RXRA: variants seen among roughly 807,000 people sequenced by gnomAD.
RXRA encodes retinoic acid receptor RXR-alpha.
Under a neutral mutation model 44.5 loss-of-function variants are expected in RXRA, and 5 were observed. The ratio of observed to expected loss-of-function variants is 0.11; its 90% CI spans 0.06 to 0.24. RXRA has a LOEUF of 0.24. RXRA is among the 10% of genes least tolerant of loss of function. RXRA has a pLI of 1.00. For missense variants in RXRA, 412 were observed against 646.5 expected (o/e 0.64, Z 3.93); for synonymous variants, 291 against 271.4 (o/e 1.07, Z -0.71).
intron 4 of RXRA, among the ~76,000 whole-genome samples, chr9:134,412,013 C>T (rs898591633): frequency 2.0e-5 from 3 of 152,202 alleles, no homozygotes; most frequent in East Asian, 1.9e-4. Flanking sequence ...CCCCGGCCTG[C>T]GTCTGGGTGC....
Position 134,370,372 on chromosome 9 carries a change from G to A in RXRA, c.29-31260G>A, listed in dbSNP as rs144806934. On this transcript the variant is annotated intron_variant, in intron 1 of 9. Transcript: ENST00000481739. ...GGGAGCACGTCAGGCCTCCCTGCCCGGCTGGTTCCAAGGCCTTTCTGGTCC... is the reference window on the plus strand; with the variant it reads ...GGGAGCACGTCAGGCCTCCCTGCCCAGCTGGTTCCAAGGCCTTTCTGGTCC... 1.1e-3 allele frequency among the ~76,000 whole-genome samples: 166 copies of A among 152,332 alleles called. 2 individuals are homozygous for A. The highest frequency in any genetic ancestry group is 0.011 in the Admixed American group (164 of 15,306).
At chr9:134,332,158 G>A (rs992413804) in intron 1 of RXRA, among the ~76,000 whole-genome samples, 2 of 152,216 alleles carry the variant, frequency 1.3e-5, no homozygotes, top group South Asian at 4.1e-4. Context: ...CCACTCCCAG[G>A]TGGAAAGCTG....
At chr9:134,411,340 T>G (rs1831145728) in intron 4 of RXRA, among the ~76,000 whole-genome samples, 1 of 152,136 alleles carries the variant, frequency 6.6e-6, no homozygotes, top group South Asian at 2.1e-4. Context: ...GGACCTGGAA[T>G]CACCTGGTCA....
intron 1 of RXRA, among the ~76,000 whole-genome samples, chr9:134,354,726 TC>T (rs1460008442): frequency 6.6e-6 from 1 of 152,250 alleles, no homozygotes; most frequent in Non-Finnish European, 1.5e-5. Flanking sequence ...ACTGAAATGT[TC>T]AGAGGCCGTG....
intron 1 of RXRA, among the ~76,000 whole-genome samples, chr9:134,373,850 T>A (rs1355037467): frequency 1.3e-5 from 2 of 152,272 alleles, no homozygotes; most frequent in South Asian, 2.1e-4. Context: ...ATTAAAAATT[T>A]AAAAATTAGA....
At chr9:134,380,553 T>A (rs913246540) in intron 1 of RXRA, among the ~76,000 whole-genome samples, 1 of 151,410 alleles carries the variant, frequency 6.6e-6, no homozygotes, top group Non-Finnish European at 1.5e-5. Context: ...CTCGGTGTGA[T>A]GGTTGGGGTG....
chr9:134,405,041 G>C (rs1331441745), intron 2 of RXRA: 1 of 152,422 alleles, frequency 6.6e-6, no homozygotes, highest in East Asian at 1.9e-4. Flanking sequence ...GGCTCTCCTG[G>C]GAGCGGGAGC....
intron 1 of RXRA, among the ~76,000 whole-genome samples, chr9:134,347,611 G>A (rs945508020): frequency 1.3e-5 from 2 of 152,226 alleles, no homozygotes; most frequent in African/African-American, 4.8e-5. Flanking sequence ...GGTATGCGGA[G>A]GGTCACTGGC....
At chr9:134,415,440 G>A (rs900582565) in intron 4 of RXRA, among the ~76,000 whole-genome samples, 7 of 110,522 alleles carry the variant, frequency 6.3e-5, no homozygotes, top group African/African-American at 1.1e-4. Flanking sequence ...TTCTCCCACC[G>A]TTTGCCAAAC....
At chr9:134,385,649 G>A (rs937445599) in intron 1 of RXRA, among the ~76,000 whole-genome samples, 4 of 152,174 alleles carry the variant, frequency 2.6e-5, no homozygotes. Flanking sequence ...GAGCGGTGGT[G>A]GCCCCCGAAC....
chr9:134,425,205 G>A lies in RXRA; in HGVS notation c.910+3400G>A, dbSNP rs1831412300. The stretch of plus-strand genomic sequence containing the variant: ...GGTGGAGGATTCCAGCCAGGCTGTG[G>A]GAGGTTGATGTCACACGTGTCTGCT... On this transcript the variant is annotated intron_variant, in intron 6 of 9. Transcript: ENST00000481739. 4.1e-6 allele frequency: 4 copies of A among 985,278 alleles called. No individual in the cohort carries two copies. In the South Asian group the frequency reaches 1.9e-4, roughly 46 times the overall value. 61.0% of individuals were successfully genotyped at this position (985,278 alleles called of 1,614,324 possible).
chr9:134,412,275 C>T (rs1255521674), intron 4 of RXRA, among the ~76,000 whole-genome samples: 1 of 152,222 alleles, frequency 6.6e-6, no homozygotes, highest in Admixed American at 6.5e-5. Context: ...TGTCAGGCCC[C>T]CTGGTGGGCA....
In RXRA at chr9:134,433,615, C is replaced by T. The variant is rs115976559; in HGVS notation, c.1136-487C>T. The stretch of plus-strand genomic sequence containing the variant: ...TCTGTCCACTCTAGGCTCTTGAGCC[C>T]GGGTCCTGAGCTCAGGACTCCGCAA... On this transcript the variant is annotated intron_variant, in intron 8 of 9. Coordinates refer to ENST00000481739, the MANE Select transcript of RXRA (RefSeq NM_002957.6). The surrounding 1 kb of genome is among the most constrained non-coding windows in gnomAD (Gnocchi z 4.2). 2.8e-3 allele frequency among the ~76,000 whole-genome samples: 418 copies of T among 150,274 alleles called. 6 individuals carry two copies. Among genetic ancestry groups the T allele is most frequent in the African/African-American group, 0.01 (404 of 39,810 alleles).
intron 1 of RXRA, among the ~76,000 whole-genome samples, chr9:134,352,969 C>T (rs1554749650): frequency 6.6e-6 from 1 of 152,162 alleles, no homozygotes; most frequent in African/African-American, 2.4e-5. Context: ...CTGGTGCCCA[C>T]TTGGAAAGCC....
chr9:134,376,578 T>G (rs1034416360), intron 1 of RXRA, among the ~76,000 whole-genome samples: 3 of 152,296 alleles, frequency 2.0e-5, no homozygotes, highest in Non-Finnish European at 4.4e-5. Flanking sequence ...CCTTTGTGTG[T>G]TGGAGCCTTG....
At chr9:134,423,397 A>T in intron 6 of RXRA, 1 of 985,466 alleles carries the variant, frequency 1.0e-6, no homozygotes, top group Non-Finnish European at 1.2e-6. Flanking sequence ...GCCTCAGCCC[A>T]TACAAGGCGG....
chr9:134,385,064 C>G (rs1830699400), intron 1 of RXRA, among the ~76,000 whole-genome samples: 1 of 152,208 alleles, frequency 6.6e-6, no homozygotes, highest in Non-Finnish European at 1.5e-5. Flanking sequence ...CTCAGAGCTA[C>G]CCCTGCGCAG....
intron 1 of RXRA, 49 bp from the exon 2 acceptor site, chr9:134,401,583 C>T (rs751243404): frequency 6.2e-7 from 1 of 1,609,304 alleles, no homozygotes; most frequent in East Asian, 2.2e-5. Flanking sequence ...TTTGGTGGGG[C>T]CTGGAGTCAC....
At position 134,366,015 on chromosome 9, in the gene RXRA, G is replaced by GCTGCCTCCACCC. The variant is rs1471907012; in HGVS notation, c.29-35602_29-35591dup. ...CAGGAGCCGCGGGGATCATCTGGCG[G>GCTGCCTCCACCC]CTGCCTCCACCCCTGCCTCCACCCC... On this transcript the variant is annotated intron_variant, in intron 1 of 9. Coordinates refer to ENST00000481739, the MANE Select transcript of RXRA (RefSeq NM_002957.6). This position sits in a 1 kb window ranked among gnomAD's most constrained non-coding sequence, Gnocchi z 5.9. 6.6e-6 allele frequency among the ~76,000 whole-genome samples: 1 copy of GCTGCCTCCACCC among 152,106 alleles called. No homozygotes were observed. Among genetic ancestry groups the GCTGCCTCCACCC allele is most frequent in the Non-Finnish European group, 1.5e-5 (1 of 67,988 alleles).
Sources: gnomAD v4.1 joint callset for allele counts (sites outside exome capture counted in the v4.1 genomes callset) on GRCh38, gnomAD v4.1.1 for gene constraint, Gnocchi (gnomAD v3.1) non-coding constraint, MANE v1.5 for transcripts, NCBI Gene and HGNC (gene_info 2026-07-23, HGNC 2026-07-21) for gene names.